Variants in XPNPEP3 observed in about 807,000 individuals in gnomAD.
The protein encoded by XPNPEP3 is X-prolyl aminopeptidase 3.
XPNPEP3 carries 41 observed loss-of-function variants against 60.0 expected under a neutral mutation model. That is an observed-to-expected ratio of 0.68 (90% CI 0.53 to 0.89). The LOEUF is 0.89. XPNPEP3 is among the 40% of genes least tolerant of loss of function. The probability of loss-of-function intolerance (pLI) is 0.00; values close to 1 mark genes in which losing one functional copy is unlikely to be tolerated. For missense variants in XPNPEP3, 598 were observed against 638.9 expected (o/e 0.94, Z 0.69); for synonymous variants, 212 against 223.2 (o/e 0.95, Z 0.45).
intron 1 of XPNPEP3, chr22:40,861,563 A>G (rs186319088): frequency 3.1e-6 from 5 of 1,613,460 alleles, no homozygotes; most frequent in Non-Finnish European, 4.2e-6. Context: ...CAAAAATTGG[A>G]TATTCACTGG....
chr22:40,893,950 T>C (rs1335163260), intron 4 of XPNPEP3, among the ~76,000 whole-genome samples: 1 of 152,200 alleles, frequency 6.6e-6, no homozygotes, highest in Admixed American at 6.5e-5. Context: ...TGAGGACATA[T>C]GTCACTCCTG....
intron 6 of XPNPEP3, among the ~76,000 whole-genome samples, chr22:40,911,427 T>C: frequency 6.6e-6 from 1 of 152,174 alleles, no homozygotes; most frequent in East Asian, 1.9e-4. Flanking sequence ...AATTAATGTT[T>C]CTTGAAAATT....
Position 40,926,421 on chromosome 22 carries a change from A to G in XPNPEP3, c.1510A>G (p.Ser504Gly). 6.2e-7 allele frequency: 1 copy of G among 1,614,156 alleles called. No homozygotes were observed. The highest frequency in any genetic ancestry group is 8.5e-7 in the Non-Finnish European group (1 of 1,180,032). The change falls in exon 10 of 10, where the codon AGC (serine) becomes GGC (glycine). Residue 504 changes from serine (S) to glycine (G), a missense_variant. Transcript: ENST00000357137. ...KEMNDIEQIC[S>G]QAS The stretch of plus-strand genomic sequence containing the variant: ...GATGAATGACATTGAACAGATATGC[A>G]GCCAGGCTTCTTGACCTTCACTGCG...
chr22:40,886,367 ACT>A lies in XPNPEP3; in HGVS notation c.647_648del (p.Ser216Ter). ...ATGAGGCCCTCACATGCACAGCTTC[ACT>A]CTGACTATATGCAGCCCCTGACTGA... On this transcript the variant is annotated frameshift_variant, in exon 4 of 10. Coordinates refer to ENST00000357137, the MANE Select transcript of XPNPEP3 (RefSeq NM_022098.4). LOFTEE classifies it high-confidence loss of function. 6.2e-7 allele frequency: 1 copy of A among 1,614,096 alleles called. No homozygotes were observed. The highest frequency in any genetic ancestry group is 8.5e-7 in the Non-Finnish European group (1 of 1,180,010).
intron 6 of XPNPEP3, among the ~76,000 whole-genome samples, chr22:40,910,348 T>A (rs952306249): frequency 5.3e-5 from 8 of 152,132 alleles, no homozygotes; most frequent in Non-Finnish European, 8.8e-5. Context: ...AGCTACTGCT[T>A]GTTTATAAAC....
At chr22:40,861,877 CTTT>C (rs2057951111) in intron 1 of XPNPEP3, 2 of 1,613,860 alleles carry the variant, frequency 1.2e-6, no homozygotes, top group East Asian at 2.2e-5. Flanking sequence ...TCTGCTTCTT[CTTT>C]ATTTTCTGGA....
chr22:40,881,098 T>C (rs1727569257), intron 2 of XPNPEP3, among the ~76,000 whole-genome samples: 1 of 151,990 alleles, frequency 6.6e-6, no homozygotes, highest in African/African-American at 2.4e-5. Flanking sequence ...TAGACTGGAG[T>C]GCAGTGGCGG....
Position 40,864,112 on chromosome 22 carries a change from C to G in XPNPEP3, c.65-4887C>G, listed in dbSNP as rs142750705. On this transcript the variant is annotated intron_variant, in intron 1 of 9. Transcript: ENST00000357137. Reference sequence around the variant, plus strand: ...AAGAATGGCTACTCCATAGGCAGAGCAGCCCCAAGGGCTGCTGGTTGCCCA... The same window carrying G: ...AAGAATGGCTACTCCATAGGCAGAGGAGCCCCAAGGGCTGCTGGTTGCCCA... Among the ~76,000 whole-genome samples the G allele has an allele frequency of 6.5e-4, 99 of 152,364 alleles. 1 individual carries two copies. The highest frequency in any genetic ancestry group is 2.3e-3 in the African/African-American group (96 of 41,590).
chr22:40,879,687 C>T (rs1281399578), intron 2 of XPNPEP3, among the ~76,000 whole-genome samples: 2 of 151,990 alleles, frequency 1.3e-5, no homozygotes, highest in African/African-American at 4.8e-5. Flanking sequence ...ACTGAAAATA[C>T]AAAAATTAGC....
intron 3 of XPNPEP3, among the ~76,000 whole-genome samples, chr22:40,882,816 C>T (rs1336761545): frequency 6.6e-6 from 1 of 151,980 alleles, no homozygotes; most frequent in East Asian, 1.9e-4. Context: ...CAACCATCAC[C>T]ACAATGAATT....
In XPNPEP3 at chr22:40,901,235, A is replaced by ATTTTT. The variant is rs1569026472; in HGVS notation, c.793-6352_793-6351insTTTTT. Among the ~76,000 whole-genome samples the ATTTTT allele has an allele frequency of 2.9e-3, 59 of 20,360 alleles. 1 individual carries two copies. The highest frequency in any genetic ancestry group is 2.2e-3 in the Non-Finnish European group (25 of 11,622). 13.4% of individuals were successfully genotyped at this position (20,360 alleles called of 152,430 possible). On this transcript the variant is annotated intron_variant, in intron 4 of 9. Coordinates refer to ENST00000357137, the MANE Select transcript of XPNPEP3 (RefSeq NM_022098.4). ...TTCTAGTATCTAGAATATTTAAAGA[A>ATTTTT]CTTTTTTTTTTTTTGAGATGGAGTT...
intron 1 of XPNPEP3, chr22:40,861,674 A>T: frequency 6.2e-7 from 1 of 1,614,200 alleles, no homozygotes; most frequent in Non-Finnish European, 8.5e-7. Context: ...AGTGAAAAGA[A>T]AATGGATCCC....
intron 1 of XPNPEP3, chr22:40,859,534 C>A (rs913862618): frequency 3.9e-5 from 6 of 151,928 alleles, no homozygotes; most frequent in African/African-American, 1.5e-4. Flanking sequence ...AATATCACAT[C>A]TTATATTAGA....
At chr22:40,860,799 C>T in intron 1 of XPNPEP3, 1 of 635,170 alleles carries the variant, frequency 1.6e-6, no homozygotes, top group Non-Finnish European at 2.6e-6. Context: ...TACAGGTGCA[C>T]ACCACCACAC....
intron 7 of XPNPEP3, chr22:40,917,349 C>T (rs2058199829): frequency 1.3e-5 from 2 of 151,922 alleles, no homozygotes; most frequent in Non-Finnish European, 2.9e-5. Flanking sequence ...CCAGTACACA[C>T]CAGCCTGGGC....
intron 9 of XPNPEP3, among the ~76,000 whole-genome samples, chr22:40,925,494 A>G (rs1377455676): frequency 1.3e-5 from 2 of 152,142 alleles, no homozygotes; most frequent in Non-Finnish European, 2.9e-5. Flanking sequence ...TAGATATATC[A>G]TTTAGTTCAA....
intron 4 of XPNPEP3, among the ~76,000 whole-genome samples, chr22:40,897,349 A>G (rs1250814694): frequency 2.0e-5 from 3 of 151,892 alleles, no homozygotes; most frequent in Non-Finnish European, 4.4e-5. Context: ...TTCATCTGTC[A>G]TTGGACACTT....
intron 1 of XPNPEP3, among the ~76,000 whole-genome samples, chr22:40,859,298 C>T (rs1907312751): frequency 6.6e-6 from 1 of 152,094 alleles, no homozygotes; most frequent in Non-Finnish European, 1.5e-5. Context: ...AAACAATTAG[C>T]TTTTTCCTTT....
At chr22:40,908,511 G>A (rs1431436505) in intron 5 of XPNPEP3, among the ~76,000 whole-genome samples, 1 of 152,118 alleles carries the variant, frequency 6.6e-6, no homozygotes, top group African/African-American at 2.4e-5. Context: ...GCAATACCAT[G>A]TCTCAAAAAA....
Sources: gnomAD v4.1 joint callset for allele counts (sites outside exome capture counted in the v4.1 genomes callset) on GRCh38, gnomAD v4.1.1 for gene constraint, MANE v1.5 for transcripts, NCBI Gene and HGNC (gene_info 2026-07-23, HGNC 2026-07-21) for gene names.